The following CNN2 variants were observed in gnomAD, a reference collection of about 807,000 sequenced individuals.
CNN2 encodes the protein calponin-2.
CNN2 carries 21 observed loss-of-function variants against 31.0 expected under a neutral mutation model. The observed-to-expected ratio is 0.68, with a 90% CI of 0.48 to 0.98. The LOEUF (loss-of-function observed/expected upper bound fraction) is 0.98. CNN2 is among the 50% of genes least tolerant of loss of function. CNN2 has a pLI of 0.00. For synonymous variants in CNN2, 165 were observed against 179.6 expected (o/e 0.92, Z 0.65); for missense variants, 399 against 427.3 (o/e 0.93, Z 0.58).
At chr19:1,031,677 T>G (rs547755075) in intron 2 of CNN2, among the ~76,000 whole-genome samples, 2 of 146,550 alleles carry the variant, frequency 1.4e-5, no homozygotes, top group African/African-American at 5.0e-5. Flanking sequence ...TGCAGTGGCA[T>G]GATCTCGGCT....
chr19:1,031,292 C>A, intron 2 of CNN2, 100 bp downstream of exon 2: 1 of 925,738 alleles, frequency 1.1e-6, no homozygotes, highest in Non-Finnish European at 1.4e-6. Flanking sequence ...CCGGGCATGG[C>A]CTGGCTCATG....
intron 4 of CNN2, 61 bp downstream of exon 4, chr19:1,032,757 C>T (rs55784632): frequency 0.3 from 397,991 of 1,318,512 alleles, 61,478 homozygotes; most frequent in East Asian, 0.42. Context: ...GATGTAGCTG[C>T]TGCATTCACT....
At chr19:1,036,327 C>T (rs1003488035) in intron 5 of CNN2, 81 bp downstream of exon 5, 39 of 1,573,066 alleles carry the variant, frequency 2.5e-5, no homozygotes, top group African/African-American at 2.4e-4. Context: ...TGGGGGACAG[C>T]GGCATGGAGC....
In CNN2 at chr19:1,036,175, T is replaced by C; in HGVS notation, c.436T>C (p.Tyr146His). The C allele has an allele frequency of 1.2e-6, 2 of 1,612,472 alleles. No individual in the cohort carries two copies. Among genetic ancestry groups the C allele is most frequent in the Non-Finnish European group, 1.7e-6 (2 of 1,179,240 alleles). Residue 146 changes from tyrosine (Y) to histidine (H), a missense_variant, in exon 5 of 7, where the codon TAC (tyrosine) becomes CAC (histidine). By Grantham distance (83) the Tyr-to-His change is moderately conservative. Coordinates refer to ENST00000263097, the MANE Select transcript of CNN2 (RefSeq NM_004368.4). Reference sequence around the variant, plus strand: ...GAGCGGGGTGGACATTGGCGTCAAGTACTCGGAGAAGCAGGAGCGGAATTT... The same window carrying C: ...GAGCGGGGTGGACATTGGCGTCAAGCACTCGGAGAAGCAGGAGCGGAATTT... ...LQSGVDIGVK[Y>H]SEKQERNFDD...
chr19:1,028,435 C>G (rs79064007), intron 1 of CNN2, among the ~76,000 whole-genome samples: 2,831 of 152,238 alleles, frequency 0.019, 60 homozygotes, highest in East Asian at 0.11. Flanking sequence ...ACCAGCTTCC[C>G]CCTGGCTTCC....
chr19:1,036,565 G>A lies in CNN2; in HGVS notation c.654+3G>A. ...GCACGAACAAGTGTGCCAGCCAGGT[G>A]GGGCTCGCCCGGGTGCCCCCGACTC... On this transcript the variant is annotated splice_donor_region_variant and intron_variant, in intron 6 of 6. Transcript: ENST00000263097. 5.0e-6 allele frequency: 8 copies of A among 1,613,616 alleles called. No homozygotes were observed. Among genetic ancestry groups the A allele is most frequent in the Non-Finnish European group, 6.8e-6 (8 of 1,179,826 alleles).
At chr19:1,031,745 GC>G (rs1271543806) in intron 2 of CNN2, among the ~76,000 whole-genome samples, 2 of 150,224 alleles carry the variant, frequency 1.3e-5, no homozygotes, top group African/African-American at 4.9e-5. Context: ...CTCCCGAGTA[GC>G]TGGGATTACA....
intron 1 of CNN2, 40 bp downstream of exon 1, chr19:1,026,764 C>A (rs2039402687): frequency 6.5e-7 from 1 of 1,537,094 alleles, no homozygotes; most frequent in African/African-American, 1.4e-5. Flanking sequence ...ACAGCGCGGC[C>A]GTCGCACGCT....
At position 1,037,969 on chromosome 19, in the gene CNN2, CTT is replaced by C. The variant is rs60469398; in HGVS notation, c.*82_*83del. ...TTTTTGGGTTTTTCTGTGTTTTCAT[CTT>C]TTTTTTTTTTTTCTTAACCCGTTCA... On this transcript the variant is annotated 3_prime_UTR_variant, in exon 7 of 7. Coordinates refer to ENST00000263097, the MANE Select transcript of CNN2 (RefSeq NM_004368.4). 0.043 allele frequency: 50,886 copies of C among 1,186,524 alleles called. 383 individuals are homozygous for C. The highest frequency in any genetic ancestry group is 0.078 in the East Asian group (2,956 of 37,802). The allele number at this position is 1,186,524 out of a possible 1,614,324, so 73.5% of individuals were successfully genotyped here.
intron 6 of CNN2, 24 bp downstream of exon 6, chr19:1,036,586 G>A (rs754012147): frequency 1.2e-5 from 19 of 1,613,194 alleles, no homozygotes; most frequent in Middle Eastern, 1.6e-4. Context: ...GGGTGCCCCC[G>A]ACTCCTCTCC....
intron 6 of CNN2, chr19:1,036,842 CTTTA>C (rs772060778): frequency 4.9e-5 from 25 of 513,100 alleles, no homozygotes; most frequent in South Asian, 4.5e-4. Flanking sequence ...TTTTTTTAAT[CTTTA>C]TTTATTTTAT....
Position 1,032,611 on chromosome 19 carries a change from C to T in CNN2, c.305C>T (p.Pro102Leu), listed in dbSNP as rs2039517396. 6.2e-7 allele frequency: 1 copy of T among 1,613,046 alleles called. No individual in the cohort carries two copies. Among genetic ancestry groups the T allele is most frequent in the East Asian group, 2.2e-5 (1 of 44,886 alleles). ...IKAMVSYGMNPVDLFEANDLF... is the reference protein window; with the variant it reads ...IKAMVSYGMNLVDLFEANDLF... ...GCCATGGTCAGCTACGGCATGAACC[C>T]TGTGGACCTGTTCGAGGCCAACGAC... is the stretch of plus-strand genomic sequence containing the variant. Residue 102 changes from proline (P) to leucine (L), a missense_variant, in exon 4 of 7, where the codon CCT (proline) becomes CTT (leucine). Transcript: ENST00000263097.
intron 2 of CNN2, among the ~76,000 whole-genome samples, chr19:1,032,090 T>C (rs1359551734): frequency 6.6e-6 from 1 of 151,582 alleles, no homozygotes; most frequent in African/African-American, 2.4e-5. Flanking sequence ...TAGCCGGGTG[T>C]GGTGGCAGGC....
chr19:1,036,655 C>A, intron 6 of CNN2, 93 bp downstream of exon 6: 1 of 1,499,806 alleles, frequency 6.7e-7, no homozygotes, highest in Non-Finnish European at 9.3e-7. Context: ...AGCTTCTCTC[C>A]CCACTCTCAG....
At chr19:1,028,591 G>A (rs1445112125) in intron 1 of CNN2, among the ~76,000 whole-genome samples, 1 of 152,216 alleles carries the variant, frequency 6.6e-6, no homozygotes, top group African/African-American at 2.4e-5. Flanking sequence ...CGGCTTGGGG[G>A]TCCGGACCCG....
Position 1,026,627 on chromosome 19 carries a change from C to G in CNN2, c.-35C>G. The G allele has an allele frequency of 1.3e-6, 2 of 1,508,306 alleles. No individual in the cohort carries two copies. Among genetic ancestry groups the G allele is most frequent in the Admixed American group, 2.1e-5 (1 of 47,272 alleles). The allele number at this position is 1,508,306 out of a possible 1,614,324, so 93.4% of individuals were successfully genotyped here. A position where few individuals can be genotyped will look rare whatever the true frequency, so the allele number is the denominator to read the frequency against. ...CCCGGCGGTCCCGTCCCGTCCCGTC[C>G]TGTGCGGCCCCGTCCCGCCGCCCGC... On this transcript the variant is annotated 5_prime_UTR_variant, in exon 1 of 7. Transcript: ENST00000263097.
At chr19:1,032,733 C>G (rs1408889601) in intron 4 of CNN2, 37 bp downstream of exon 4, 2 of 1,511,800 alleles carry the variant, frequency 1.3e-6, no homozygotes, top group Admixed American at 3.5e-5. Context: ...TGCCCAGAGT[C>G]ACACAGCGAG....
rs190661748 is a variant in CNN2 at position 1,032,906 on chromosome 19, G to C, written c.390+210G>C. On this transcript the variant is annotated intron_variant, in intron 4 of 6. Coordinates refer to ENST00000263097, the MANE Select transcript of CNN2 (RefSeq NM_004368.4). ...CGATTCTTCTGCCTCAGTCTCCCGA[G>C]TAGCTGGGATTACAGGCACCTGCCA... The C allele has an allele frequency of 3.6e-3, 1,747 of 490,234 alleles. 5 individuals are homozygous for C. The highest frequency in any genetic ancestry group is 6.1e-3 in the Admixed American group (184 of 30,350). The allele number at this position is 490,234 out of a possible 1,614,324, so 30.4% of individuals were successfully genotyped here.
Position 1,032,428 on chromosome 19 carries a change from G to A in CNN2, c.222G>A (p.Lys74=). The change falls in exon 3 of 7, where the codon AAG becomes AAA. Residue 74 remains lysine, a synonymous_variant. Transcript: ENST00000263097. The stretch of plus-strand genomic sequence containing the variant: ...AGCTACAGCCGGGCTCCGTCCCCAA[G>A]ATCAACCGCTCCATGCAGAACTGGC... The part of the protein sequence containing the change: ...MNKLQPGSVP[K]INRSMQNWHQ... The A allele has an allele frequency of 6.2e-7, 1 of 1,613,674 alleles. No homozygotes were observed. Among genetic ancestry groups the A allele is most frequent in the South Asian group, 1.1e-5 (1 of 91,070 alleles).
Sources: allele counts gnomAD v4.1 joint callset (sites outside exome capture counted in the v4.1 genomes callset), GRCh38; gene constraint gnomAD v4.1.1; transcripts MANE v1.5; gene names NCBI Gene and HGNC (gene_info 2026-07-23, HGNC 2026-07-21).